Variants in ESYT3 observed in about 807,000 individuals in gnomAD.
ESYT3 encodes extended synaptotagmin-3.
A neutral mutation model predicts 111.5 loss-of-function variants in ESYT3; 101 were observed. The observed-to-expected ratio is 0.91, with a 90% confidence interval of 0.77 to 1.07. The LOEUF (loss-of-function observed/expected upper bound fraction) is 1.07, where lower values mean the gene tolerates loss of function less well. Among genes scored for constraint, ESYT3 ranks in the 50% least tolerant of loss-of-function variants. The probability of loss-of-function intolerance (pLI) is 0.00; values close to 1 mark genes in which losing one functional copy is unlikely to be tolerated. For synonymous variants in ESYT3, 416 were observed against 446.8 expected, an observed-to-expected ratio of 0.93 and a Z score of 0.87; for missense variants, 1,097 against 1,109.4, an observed-to-expected ratio of 0.99 and a Z score of 0.16.
rs143183371 is a variant in ESYT3 at position 138,464,485 on chromosome 3, C to T, written c.1056C>T (p.Asn352=). 1.2e-3 allele frequency: 1,873 copies of T among 1,614,120 alleles called. 3 individuals are homozygous for T. Among genetic ancestry groups the T allele is most frequent in the Admixed American group, 1.6e-3 (99 of 60,014 alleles). The part of the protein sequence containing the change: ...QHFRSRTIYR[N]LNPTWNEVFE... ...TCCGGAGTAGGACCATCTACAGGAA[C>T]CTGAACCCCACCTGGAACGAAGTGT... The change falls in exon 9 of 23, where the codon AAC becomes AAT. Residue 352 remains asparagine (N), a synonymous_variant. Coordinates refer to ENST00000389567, the MANE Select transcript of ESYT3 (RefSeq NM_031913.5).
At chr3:138,469,240 C>T (rs1042498852) in intron 14 of ESYT3, 196 bp from the exon 15 acceptor site, 5 of 604,044 alleles carry the variant, frequency 8.3e-6, no homozygotes, top group African/African-American at 7.4e-5. Flanking sequence ...GAACTGCTTT[C>T]TGGGGTTGGT....
At chr3:138,461,631 T>G (rs140826716) in intron 7 of ESYT3, among the ~76,000 whole-genome samples, 115 of 152,342 alleles carry the variant, frequency 7.5e-4, no homozygotes, top group African/African-American at 2.7e-3. Flanking sequence ...GCACCATCCC[T>G]GTCCCCCGGT....
At chr3:138,457,793 C>T in intron 4 of ESYT3, 149 bp downstream of exon 4, 1 of 768,066 alleles carries the variant, frequency 1.3e-6, no homozygotes, top group South Asian at 1.6e-5. Context: ...TCTCCCATCC[C>T]CTGGCATACT....
intron 10 of ESYT3, 81 bp from the exon 11 acceptor site, chr3:138,467,480 C>A: frequency 1.4e-6 from 2 of 1,396,292 alleles, no homozygotes; most frequent in South Asian, 1.2e-5. Flanking sequence ...TATCTGAAAA[C>A]AGAGTCCAGT....
intron 1 of ESYT3, among the ~76,000 whole-genome samples, chr3:138,437,235 G>A (rs1172435486): frequency 1.3e-5 from 2 of 152,180 alleles, no homozygotes; most frequent in Non-Finnish European, 2.9e-5. Flanking sequence ...GCCAGGAGTC[G>A]GAACAGGGTC....
chr3:138,455,064 T>A (rs968756227), intron 2 of ESYT3, 130 bp from the exon 3 acceptor site: 1 of 1,002,096 alleles, frequency 1.0e-6, no homozygotes, highest in African/African-American at 1.6e-5. Context: ...GGCAAGCAGG[T>A]GAGTGCTGCA....
intron 3 of ESYT3, among the ~76,000 whole-genome samples, chr3:138,457,163 C>G (rs1308316223): frequency 6.6e-6 from 1 of 152,234 alleles, no homozygotes; most frequent in Non-Finnish European, 1.5e-5. Context: ...CATAAGCATT[C>G]ATTCACCCCT....
chr3:138,435,402 C>T lies in ESYT3; in HGVS notation c.327+277C>T, dbSNP rs572957917. Among the ~76,000 whole-genome samples the T allele has an allele frequency of 6.6e-6, 1 of 152,212 alleles. No homozygotes were observed. The highest frequency in any genetic ancestry group is 1.5e-5 in the Non-Finnish European group (1 of 68,034). On this transcript the variant is annotated intron_variant, in intron 1 of 22. Coordinates refer to ENST00000389567, the MANE Select transcript of ESYT3 (RefSeq NM_031913.5). The surrounding 1 kb of genome is among the most constrained non-coding windows in gnomAD (Gnocchi z 4.8). ...AGGCCCCAGAGCTCGAGAGAAGAGTCACGGGCAGACCACACCCGGGAGAAA... is the reference window on the plus strand; with the variant it reads ...AGGCCCCAGAGCTCGAGAGAAGAGTTACGGGCAGACCACACCCGGGAGAAA...
chr3:138,476,908 AT>A lies in ESYT3; in HGVS notation c.*60del. 1 of 1,469,334 alleles carries A rather than the reference AT, an allele frequency of 6.8e-7. No homozygotes were observed. Among genetic ancestry groups the A allele is most frequent in the Non-Finnish European group, 9.3e-7 (1 of 1,080,588 alleles). The allele number at this position is 1,469,334 out of a possible 1,614,324, so 91.0% of individuals were successfully genotyped here. On this transcript the variant is annotated 3_prime_UTR_variant, in exon 23 of 23. Transcript: ENST00000389567. ...TATTAAAATGTATATATATGTATAT[AT>A]TTTTTCCTTTGGATCACTTACATCC...
chr3:138,456,034 C>T (rs942910728), intron 3 of ESYT3, among the ~76,000 whole-genome samples: 4 of 152,252 alleles, frequency 2.6e-5, no homozygotes, highest in East Asian at 1.9e-4. Flanking sequence ...TTCCCAGCAA[C>T]GAGCAGGTGT....
chr3:138,474,337 C>T lies in ESYT3; in HGVS notation c.2453C>T (p.Pro818Leu), dbSNP rs1354580670. Residue 818 changes from proline (P) to leucine (L), a missense_variant, in exon 20 of 23, where the codon CCC (proline) becomes CTC (leucine). Coordinates refer to ENST00000389567, the MANE Select transcript of ESYT3 (RefSeq NM_031913.5). The part of the protein sequence containing the change: ...KTSVKRKTLE[P>L]LFDETFEFFV... ...TCAGTGAAGCGGAAGACCTTGGAAC[C>T]CCTGTTTGATGAGACGTAAGTGGGC... 6.3e-7 allele frequency: 1 copy of T among 1,596,598 alleles called. No homozygotes were observed.
At chr3:138,464,601 G>A in intron 9 of ESYT3, 86 bp downstream of exon 9, 5 of 1,418,082 alleles carry the variant, frequency 3.5e-6, no homozygotes, top group Non-Finnish European at 4.9e-6. Flanking sequence ...GCAGGGAGTG[G>A]GCCTTGGAGA....
At chr3:138,469,310 T>G (rs1244310251) in intron 14 of ESYT3, 126 bp from the exon 15 acceptor site, 6 of 802,856 alleles carry the variant, frequency 7.5e-6, no homozygotes, top group Non-Finnish European at 1.2e-5. Context: ...TAGAGTAGCT[T>G]TCTCTCAAAG....
At chr3:138,474,492 C>A in intron 20 of ESYT3, 140 bp downstream of exon 20, 1 of 943,416 alleles carries the variant, frequency 1.1e-6, no homozygotes, top group Non-Finnish European at 1.5e-6. Context: ...CTTCATGAAG[C>A]TTCTGTACGT....
At chr3:138,473,743 A>T in intron 19 of ESYT3, 109 bp downstream of exon 19, 1 of 936,340 alleles carries the variant, frequency 1.1e-6, no homozygotes, top group Admixed American at 2.4e-5. Flanking sequence ...AAGATAAATA[A>T]CACTTTGGGG....
At chr3:138,456,614 G>A (rs2032291605) in intron 3 of ESYT3, among the ~76,000 whole-genome samples, 1 of 152,196 alleles carries the variant, frequency 6.6e-6, no homozygotes, top group African/African-American at 2.4e-5. Flanking sequence ...TGTCAGATCA[G>A]CAGCGGCATT....
Position 138,460,489 on chromosome 3 carries a change from C to G in ESYT3, c.739-122C>G. The G allele has an allele frequency of 2.7e-6, 3 of 1,105,564 alleles. No homozygotes were observed. In the South Asian group the frequency reaches 3.9e-5, roughly 14 times the overall value. The allele number at this position is 1,105,564 out of a possible 1,614,324, so 68.5% of individuals were successfully genotyped here. A position where few individuals can be genotyped will look rare whatever the true frequency, so the allele number is the denominator to read the frequency against. ...CAGAGGGTGCTCTGCCTGCTTTCCTCCGAACCCCCACCCTGGAAGGCTGGG... is the reference window on the plus strand; with the variant it reads ...CAGAGGGTGCTCTGCCTGCTTTCCTGCGAACCCCCACCCTGGAAGGCTGGG... On this transcript the variant is annotated intron_variant, in intron 6 of 22. Transcript: ENST00000389567.
intron 8 of ESYT3, among the ~76,000 whole-genome samples, chr3:138,463,517 T>C (rs1453237368): frequency 6.6e-6 from 1 of 152,242 alleles, no homozygotes; most frequent in East Asian, 1.9e-4. Context: ...CTGAAGTTTA[T>C]TCAACACAGT....
rs552537453 is a variant in ESYT3 at position 138,474,372 on chromosome 3, G to A, written c.2468+20G>A. ...TGAGACGTAAGTGGGCTGGTGGCCT[G>A]CCTAGAGTGCCTCACCCATTCAAGT... is the stretch of plus-strand genomic sequence containing the variant. On this transcript the variant is annotated intron_variant, in intron 20 of 22. Coordinates refer to ENST00000389567, the MANE Select transcript of ESYT3 (RefSeq NM_031913.5). 9.6e-6 allele frequency: 15 copies of A among 1,565,442 alleles called. No individual in the cohort carries two copies. In the African/African-American group the frequency reaches 1.9e-4, roughly 20 times the overall value.
Sources: allele counts gnomAD v4.1 joint callset (sites outside exome capture counted in the v4.1 genomes callset), GRCh38; gene constraint gnomAD v4.1.1; non-coding constraint Gnocchi (gnomAD v3.1); transcripts MANE v1.5; gene names NCBI Gene and HGNC (gene_info 2026-07-23, HGNC 2026-07-21).